BMP5: variants seen among roughly 807,000 people sequenced by gnomAD.
BMP5 encodes bone morphogenetic protein 5.
In BMP5, 23 loss-of-function variants were observed where a neutral mutation model predicts 46.6. The ratio of observed to expected loss-of-function variants is 0.49; its 90% CI spans 0.35 to 0.70. The LOEUF is 0.70. Among genes scored for constraint, BMP5 ranks in the 30% least tolerant of loss-of-function variants. The pLI is 0.00. For synonymous variants in BMP5, 204 were observed against 191.9 expected (o/e 1.06, Z -0.52); for missense variants, 545 against 565.6 (o/e 0.96, Z 0.37).
intron 2 of BMP5, among the ~76,000 whole-genome samples, chr6:55,803,144 G>C (rs1775891140): frequency 7.2e-6 from 1 of 138,794 alleles, no homozygotes; most frequent in African/African-American, 2.6e-5. Flanking sequence ...AAATTAGCTG[G>C]GGTGGGGGGG....
chr6:55,855,025 C>A (rs1288490233), intron 1 of BMP5, among the ~76,000 whole-genome samples: 1 of 151,968 alleles, frequency 6.6e-6, no homozygotes, highest in Non-Finnish European at 1.5e-5. Context: ...TCTCTCCCCC[C>A]TAAAATGACA....
Position 55,838,008 on chromosome 6 carries a change from G to A in BMP5, c.491-18161C>T, listed in dbSNP as rs149721811. Among the ~76,000 whole-genome samples, 6 of 152,268 alleles carry A rather than the reference G, an allele frequency of 3.9e-5. No homozygotes were observed. The South Asian group carries it at 6.2e-4, about 16-fold the overall frequency. On this transcript the variant is annotated intron_variant, in intron 1 of 6. Transcript: ENST00000370830. ...CTGGGTCTCATTCTTTTTCGTGGCT[G>A]AATAATACTCCATTGAGTACATGTT... is the stretch of plus-strand genomic sequence containing the variant.
intron 1 of BMP5, among the ~76,000 whole-genome samples, chr6:55,852,903 G>T (rs1226915464): frequency 6.6e-6 from 1 of 151,106 alleles, no homozygotes; most frequent in East Asian, 1.9e-4. Flanking sequence ...AGGCCGAGGT[G>T]GGTGGATCAC....
At chr6:55,779,792 T>C (rs995973370) in intron 3 of BMP5, among the ~76,000 whole-genome samples, 1 of 152,066 alleles carries the variant, frequency 6.6e-6, no homozygotes, top group East Asian at 1.9e-4. Flanking sequence ...CAGAGTTAAG[T>C]ATACAGACTT....
intron 2 of BMP5, among the ~76,000 whole-genome samples, chr6:55,802,221 C>T (rs1014190966): frequency 4.6e-5 from 7 of 152,180 alleles, no homozygotes; most frequent in African/African-American, 1.4e-4. Context: ...AATGCTAACT[C>T]TAGTGTCCAT....
intron 1 of BMP5, among the ~76,000 whole-genome samples, chr6:55,827,327 T>C (rs756389962): frequency 6.6e-6 from 1 of 151,742 alleles, no homozygotes; most frequent in Non-Finnish European, 1.5e-5. Context: ...GGTATCTTAA[T>C]ATAATTTTCT....
At chr6:55,866,363 A>G (rs193115810) in intron 1 of BMP5, among the ~76,000 whole-genome samples, 15 of 152,296 alleles carry the variant, frequency 9.8e-5, no homozygotes, top group Admixed American at 2.0e-4. Flanking sequence ...ATGGTCTGCC[A>G]GAGGAGAATA....
chr6:55,871,214 G>A (rs913089623), intron 1 of BMP5, among the ~76,000 whole-genome samples: 5 of 151,578 alleles, frequency 3.3e-5, no homozygotes, highest in African/African-American at 1.2e-4. Flanking sequence ...CAAAGAGATG[G>A]TTAAAAAAGA....
intron 1 of BMP5, among the ~76,000 whole-genome samples, chr6:55,865,738 A>G (rs1477311067): frequency 6.6e-6 from 1 of 152,238 alleles, no homozygotes; most frequent in Non-Finnish European, 1.5e-5. Context: ...AATAGTTGTA[A>G]TAGCAGTTGA....
chr6:55,756,218 C>T (rs1031245908), intron 6 of BMP5, among the ~76,000 whole-genome samples: 1 of 151,982 alleles, frequency 6.6e-6, no homozygotes, highest in Non-Finnish European at 1.5e-5. Flanking sequence ...TAATCCAATA[C>T]TTGCCTTAGA....
chr6:55,813,613 C>T (rs1273852361), intron 2 of BMP5, among the ~76,000 whole-genome samples: 1 of 151,904 alleles, frequency 6.6e-6, no homozygotes, highest in Admixed American at 6.6e-5. Flanking sequence ...CGGTGAAACC[C>T]CGTCTCTACT....
At chr6:55,787,760 G>A (rs1562038025) in intron 3 of BMP5, among the ~76,000 whole-genome samples, 1 of 151,596 alleles carries the variant, frequency 6.6e-6, no homozygotes, top group Non-Finnish European at 1.5e-5. Context: ...CAAGATAATT[G>A]TCCTGATAAC....
At chr6:55,761,403 C>A (rs149463977) in intron 4 of BMP5, among the ~76,000 whole-genome samples, 6 of 152,164 alleles carry the variant, frequency 3.9e-5, no homozygotes, top group African/African-American at 1.4e-4. Context: ...GTCTTCATAT[C>A]ATTAAGAGTG....
chr6:55,829,079 A>G (rs111265949), intron 1 of BMP5, among the ~76,000 whole-genome samples: 81 of 152,002 alleles, frequency 5.3e-4, no homozygotes, highest in African/African-American at 1.9e-3. Flanking sequence ...ATAAAACTAT[A>G]AGAATATATT....
intron 3 of BMP5, among the ~76,000 whole-genome samples, chr6:55,792,907 ATACGTTC>A (rs1775607985): frequency 1.3e-5 from 2 of 152,124 alleles, no homozygotes; most frequent in South Asian, 4.1e-4. Flanking sequence ...CTTAAATAAG[ATACGTTC>A]TCTTATTAAT....
intron 3 of BMP5, among the ~76,000 whole-genome samples, chr6:55,775,683 C>A (rs531221618): frequency 1.3e-5 from 2 of 151,918 alleles, no homozygotes; most frequent in Non-Finnish European, 2.9e-5. Context: ...CATTATAAAA[C>A]CTGACCCACC....
chr6:55,827,965 G>GA (rs1220406247), intron 1 of BMP5, among the ~76,000 whole-genome samples: 1 of 151,720 alleles, frequency 6.6e-6, no homozygotes, highest in Non-Finnish European at 1.5e-5. Context: ...TTCTTTAGTG[G>GA]AAAAAATCTG....
chr6:55,816,575 T>A (rs962034840), intron 2 of BMP5, among the ~76,000 whole-genome samples: 1 of 152,152 alleles, frequency 6.6e-6, no homozygotes, highest in African/African-American at 2.4e-5. Context: ...AAAACGTAAC[T>A]TATCTGCAGA....
chr6:55,861,104 G>T (rs1386876507), intron 1 of BMP5, among the ~76,000 whole-genome samples: 4 of 152,180 alleles, frequency 2.6e-5, no homozygotes, highest in African/African-American at 7.2e-5. Flanking sequence ...TTTCAGTCAT[G>T]ACTAGCAAGA....
Sources: allele counts gnomAD v4.1 joint callset (sites outside exome capture counted in the v4.1 genomes callset), GRCh38; gene constraint gnomAD v4.1.1; transcripts MANE v1.5; gene names NCBI Gene and HGNC (gene_info 2026-07-23, HGNC 2026-07-21).